The following NOC2L variants were observed in gnomAD, a reference collection of about 807,000 sequenced individuals.
NOC2L encodes nucleolar complex protein 2 homolog.
Under a neutral mutation model 94.2 loss-of-function variants are expected in NOC2L, and 101 were observed. That is an observed-to-expected ratio of 1.07 (90% CI 0.91 to 1.26). The LOEUF is 1.26. Ranked by LOEUF, NOC2L falls within the 50% of genes most tolerant of loss-of-function variation. The probability of loss-of-function intolerance (pLI) is 0.00; values close to 1 mark genes in which losing one functional copy is unlikely to be tolerated. For synonymous variants in NOC2L, 531 were observed against 413.4 expected (o/e 1.28, Z -3.45); for missense variants, 1,076 against 980.1 (o/e 1.10, Z -1.31).
intron 8 of NOC2L, among the ~76,000 whole-genome samples, 154 bp from the exon 9 acceptor site, chr1:953,442 C>T (rs557111163): frequency 6.6e-6 from 1 of 152,238 alleles, no homozygotes; most frequent in Non-Finnish European, 1.5e-5. Context: ...TGCTCAGTTA[C>T]AGAAGTGAAC....
intron 9 of NOC2L, 129 bp downstream of exon 9, chr1:953,046 C>A: frequency 1.5e-6 from 1 of 670,480 alleles, no homozygotes; most frequent in Non-Finnish European, 2.7e-6. Flanking sequence ...GATCCAAGGG[C>A]CCAGGTCTGC....
rs755524938 is a variant in NOC2L at position 958,961 on chromosome 1, A to C, written c.147T>G (p.Ser49Arg). The C allele has an allele frequency of 3.1e-6, 5 of 1,612,522 alleles. No homozygotes were observed. The highest frequency in any genetic ancestry group is 4.2e-6 in the Non-Finnish European group (5 of 1,179,950). The change falls in exon 2 of 19, where the codon AGT becomes AGG. Residue 49 changes from serine to arginine, a missense_variant. Ser to Arg is a moderately radical substitution (Grantham distance 110). Transcript: ENST00000327044. ...AGGGGCTCCCGCCCGGCTTATCCGGACTCCGGGCAGCCTCGCGTGCTTCCC... is the reference window on the plus strand; with the variant it reads ...AGGGGCTCCCGCCCGGCTTATCCGGCCTCCGGGCAGCCTCGCGTGCTTCCC... ...ETREAREAAR[S>R]PDKPGGSPSA...
chr1:958,794 G>C lies in NOC2L; in HGVS notation c.179+135C>G, dbSNP rs753648380. ...CAGTAAACATCGGATGAAAGAGTAAGTTAAGCTGAAAGGACTGGGGGGCAG... is the reference window on the plus strand; with the variant it reads ...CAGTAAACATCGGATGAAAGAGTAACTTAAGCTGAAAGGACTGGGGGGCAG... On this transcript the variant is annotated intron_variant, in intron 2 of 18. Transcript: ENST00000327044. The C allele has an allele frequency of 2.3e-5, 20 of 875,410 alleles. No homozygotes were observed. In the African/African-American group the frequency reaches 2.6e-4, roughly 12 times the overall value. The allele number at this position is 875,410 out of a possible 1,614,324, so 54.2% of individuals were successfully genotyped here. A position where few individuals can be genotyped will look rare whatever the true frequency, so the allele number is the denominator to read the frequency against.
chr1:945,985 C>G (rs1216872829), intron 16 of NOC2L, among the ~76,000 whole-genome samples, 188 bp downstream of exon 16: 1 of 152,238 alleles, frequency 6.6e-6, no homozygotes, highest in African/African-American at 2.4e-5. Context: ...GGGGCTTCCC[C>G]TCCCTGGAAA....
chr1:948,025 A>T (rs1642163976), intron 14 of NOC2L, 106 bp downstream of exon 14: 1 of 857,380 alleles, frequency 1.2e-6, no homozygotes, highest in Non-Finnish European at 1.9e-6. Context: ...GTTCCACCCC[A>T]GTCCCAGGTA....
intron 2 of NOC2L, chr1:958,637 C>G: frequency 1.6e-6 from 1 of 623,426 alleles, no homozygotes; most frequent in East Asian, 3.3e-5. Context: ...GCACTTATCT[C>G]TCTTCTACCG....
At chr1:953,943 C>T in intron 7 of NOC2L, 51 bp from the exon 8 acceptor site, 4 of 1,604,176 alleles carry the variant, frequency 2.5e-6, no homozygotes, top group Non-Finnish European at 3.4e-6. Flanking sequence ...TTCTGGGATA[C>T]AAAAAAGGAC....
chr1:957,232 G>A lies in NOC2L; in HGVS notation c.221C>T (p.Ser74Phe). ...CTCGGGGTCTCTGTCCTTCAGCCGA[G>A]AGAGCTGGTCTTTGTGCTCAGAGGC... ...GRASEHKDQL[S>F]RLKDRDPEFY... Residue 74 changes from serine to phenylalanine, a missense_variant, in exon 3 of 19, where the codon TCT (serine) becomes TTT (phenylalanine). Physicochemically the swap from Ser to Phe is radical, Grantham distance 155. Transcript: ENST00000327044. 3 of 1,613,442 alleles carry A rather than the reference G, an allele frequency of 1.9e-6. No homozygotes were observed. Among genetic ancestry groups the A allele is most frequent in the Non-Finnish European group, 2.5e-6 (3 of 1,179,910 alleles).
chr1:953,343 C>A, intron 8 of NOC2L, 55 bp from the exon 9 acceptor site: 1 of 1,070,512 alleles, frequency 9.3e-7, no homozygotes, highest in African/African-American at 1.6e-5. Context: ...CAGGGATGCC[C>A]CAGGGCCAGC....
At chr1:954,495 G>A (rs973859872) in intron 6 of NOC2L, 3 of 180,636 alleles carry the variant, frequency 1.7e-5, no homozygotes, top group South Asian at 1.8e-4. Flanking sequence ...ACCAACTGCC[G>A]CAGACTGGTT....
At chr1:953,596 G>A (rs1044510620) in intron 8 of NOC2L, among the ~76,000 whole-genome samples, 186 bp downstream of exon 8, 1 of 152,266 alleles carries the variant, frequency 6.6e-6, no homozygotes. Flanking sequence ...CGGGCAGGCA[G>A]GGACTGCCTG....
At chr1:956,843 G>A (rs375890267) in intron 4 of NOC2L, 51 bp downstream of exon 4, 1 of 1,603,224 alleles carries the variant, frequency 6.2e-7, no homozygotes, top group Admixed American at 1.7e-5. Context: ...GGTGAGGCAA[G>A]GCCAGATTTC....
At chr1:956,547 A>G (rs1187116253) in intron 4 of NOC2L, among the ~76,000 whole-genome samples, 2 of 152,148 alleles carry the variant, frequency 1.3e-5, no homozygotes, top group Non-Finnish European at 2.9e-5. Flanking sequence ...CCCCAGCTCC[A>G]CCAACCAACA....
chr1:950,722 A>G (rs2100385966), intron 12 of NOC2L, among the ~76,000 whole-genome samples: 1 of 152,056 alleles, frequency 6.6e-6, no homozygotes, highest in African/African-American at 2.4e-5. Flanking sequence ...ATGCATGCAC[A>G]GACAAACGCA....
chr1:952,454 C>T lies in NOC2L; in HGVS notation c.1149G>A (p.Gln383=). ...TGGCGTTGCGCAGGTGTATGGCGAGCTGGCGGATGTAGAGGAAGGCGTGCT... is the reference window on the plus strand; with the variant it reads ...TGGCGTTGCGCAGGTGTATGGCGAGTTGGCGGATGTAGAGGAAGGCGTGCT... ...AYQHAFLYIR[Q]LAIHLRNAMT... is the part of the protein sequence containing the mutation. The change falls in exon 10 of 19, where the codon CAG becomes CAA. Residue 383 remains glutamine, a synonymous_variant. Coordinates refer to ENST00000327044, the MANE Select transcript of NOC2L (RefSeq NM_015658.4). The T allele has an allele frequency of 1.2e-6, 2 of 1,613,816 alleles. No homozygotes were observed. The highest frequency in any genetic ancestry group is 1.7e-6 in the Non-Finnish European group (2 of 1,179,996).
chr1:953,144 T>C (rs1419456640), intron 9 of NOC2L, 31 bp downstream of exon 9: 1 of 1,505,594 alleles, frequency 6.6e-7, no homozygotes, highest in East Asian at 2.3e-5. Context: ...ATGCAGATGC[T>C]GAGGGACACA....
intron 12 of NOC2L, among the ~76,000 whole-genome samples, chr1:949,651 T>A (rs1440161558): frequency 1.3e-5 from 2 of 152,156 alleles, no homozygotes; most frequent in Non-Finnish European, 2.9e-5. Context: ...AGAAAGCACG[T>A]AGCCAAGGAG....
intron 13 of NOC2L, 70 bp from the exon 14 acceptor site, chr1:948,302 T>C: frequency 7.6e-7 from 1 of 1,313,040 alleles, no homozygotes; most frequent in South Asian, 1.3e-5. Context: ...CCCCTTCCCC[T>C]CAGGCTGTCA....
rs746268860 is a variant in NOC2L, at chr1:946,435, C to T, written c.1770G>A (p.Arg590=). The T allele has an allele frequency of 3.7e-6, 6 of 1,613,362 alleles. No homozygotes were observed. The highest frequency in any genetic ancestry group is 1.1e-5 in the South Asian group (1 of 91,084). The part of the protein sequence containing the change: ...NSAYICSRRQ[R]VSFGVSEQQA... ...GCTGCTCAGAGACGCCGAAGGAAAC[C>T]CTCTGGCGGCGGCTGCAGATGTATG... is the stretch of plus-strand genomic sequence containing the variant. The change falls in exon 15 of 19, where the codon AGG becomes AGA. Residue 590 remains arginine (R), a synonymous_variant. Transcript: ENST00000327044.
Sources: allele counts gnomAD v4.1 joint callset (sites outside exome capture counted in the v4.1 genomes callset), GRCh38; gene constraint gnomAD v4.1.1; transcripts MANE v1.5; gene names NCBI Gene and HGNC (gene_info 2026-07-23, HGNC 2026-07-21).